IFTAP: variants seen among roughly 807,000 people sequenced by gnomAD.
IFTAP encodes intraflagellar transport-associated protein.
Under a neutral mutation model 19.4 loss-of-function variants are expected in IFTAP, and 19 were observed. That is an observed-to-expected ratio of 0.98 (90% CI 0.68 to 1.44). The LOEUF is 1.44. Among genes scored for constraint, IFTAP ranks in the 40% most tolerant of loss-of-function variants. IFTAP has a pLI of 0.00. For missense variants in IFTAP, 240 were observed against 253.6 expected, an observed-to-expected ratio of 0.95 and a Z score of 0.36; for synonymous variants, 85 against 83.5, an observed-to-expected ratio of 1.02 and a Z score of -0.10.
intron 1 of IFTAP, among the ~76,000 whole-genome samples, chr11:36,595,844 T>A (rs929626238): frequency 6.6e-6 from 1 of 152,234 alleles, no homozygotes; most frequent in East Asian, 1.9e-4. Context: ...TTGGAGAGGA[T>A]GAGAAGGGGC....
chr11:36,654,271 C>T (rs1853874878), intron 5 of IFTAP, among the ~76,000 whole-genome samples: 1 of 152,140 alleles, frequency 6.6e-6, no homozygotes, highest in Non-Finnish European at 1.5e-5. Context: ...TGACCTTCCT[C>T]TGGCACTCTT....
chr11:36,618,931 A>G (rs183746005), intron 2 of IFTAP, among the ~76,000 whole-genome samples: 14 of 151,982 alleles, frequency 9.2e-5, no homozygotes, highest in African/African-American at 2.4e-4. Context: ...ATGGAAAGCA[A>G]AAGGGCCTAG....
At chr11:36,612,023 G>A (rs1851896358) in intron 2 of IFTAP, among the ~76,000 whole-genome samples, 2 of 151,998 alleles carry the variant, frequency 1.3e-5, no homozygotes, top group African/African-American at 2.4e-5. Flanking sequence ...TCATCTGTAA[G>A]GCTGACTTTA....
chr11:36,615,997 T>A (rs1476545116), intron 2 of IFTAP, among the ~76,000 whole-genome samples: 1 of 151,954 alleles, frequency 6.6e-6, no homozygotes, highest in Non-Finnish European at 1.5e-5. Context: ...GCTCCTACCT[T>A]TTAGAGTGGT....
rs77686068 is a variant in IFTAP, at chr11:36,616,016, C to G, written c.136+5777C>G. 5.5e-3 allele frequency among the ~76,000 whole-genome samples: 837 copies of G among 152,090 alleles called. 11 individuals carry two copies. Among genetic ancestry groups the G allele is most frequent in the Admixed American group, 0.034 (516 of 15,256 alleles). ...CTACCTTTTAGAGTGGTAATTACTG[C>G]TCATGTTGCTGTCACACAGAGATTG... On this transcript the variant is annotated intron_variant, in intron 2 of 5. Transcript: ENST00000334307.
chr11:36,648,863 G>A (rs1853597773), intron 5 of IFTAP, among the ~76,000 whole-genome samples: 1 of 152,080 alleles, frequency 6.6e-6, no homozygotes, highest in African/African-American at 2.4e-5. Context: ...CTGGCCACAG[G>A]GGAGGCTGAG....
intron 2 of IFTAP, among the ~76,000 whole-genome samples, chr11:36,619,264 A>G (rs1350619341): frequency 1.3e-5 from 2 of 152,056 alleles, no homozygotes; most frequent in African/African-American, 4.8e-5. Context: ...GCTTCTAAAA[A>G]ATGTAATTAA....
intron 1 of IFTAP, among the ~76,000 whole-genome samples, chr11:36,608,807 A>G (rs982302353): frequency 6.6e-6 from 1 of 152,208 alleles, no homozygotes; most frequent in Admixed American, 6.6e-5. Flanking sequence ...GATGCAGTCA[A>G]TGTGAAATTT....
intron 2 of IFTAP, among the ~76,000 whole-genome samples, chr11:36,623,308 T>G (rs1487510693): frequency 1.3e-5 from 2 of 148,748 alleles, no homozygotes; most frequent in Non-Finnish European, 3.0e-5. Flanking sequence ...TTGTATATAT[T>G]ATATTTTTTT....
In IFTAP at chr11:36,633,442, A is replaced by C; in HGVS notation, c.291+4A>C. ...ATCACAATGTTTGGAAGAACAGGTA[A>C]TACCAACATAGTACATGTATAGAAA... On this transcript the variant is annotated splice_donor_region_variant and intron_variant, in intron 3 of 5. Transcript: ENST00000334307. The C allele has an allele frequency of 6.4e-7, 1 of 1,574,550 alleles. No homozygotes were observed. The highest frequency in any genetic ancestry group is 8.6e-7 in the Non-Finnish European group (1 of 1,162,912).
chr11:36,639,074 T>A (rs1404406043), intron 4 of IFTAP, among the ~76,000 whole-genome samples: 1 of 152,236 alleles, frequency 6.6e-6, no homozygotes, highest in African/African-American at 2.4e-5. Context: ...CTGGTGACTG[T>A]CATGCCTCAG....
intron 5 of IFTAP, among the ~76,000 whole-genome samples, chr11:36,651,188 C>T (rs1590235951): frequency 1.3e-5 from 2 of 152,254 alleles, no homozygotes; most frequent in South Asian, 4.1e-4. Context: ...TAAAAGTGTT[C>T]CTGTTTCTCC....
intron 5 of IFTAP, among the ~76,000 whole-genome samples, chr11:36,656,123 T>A (rs550516010): frequency 5.9e-5 from 9 of 152,294 alleles, no homozygotes; most frequent in African/African-American, 2.2e-4. Flanking sequence ...GCCGTATCTA[T>A]AACCAACTTG....
intron 2 of IFTAP, 124 bp downstream of exon 2, chr11:36,610,363 A>AT: frequency 1.1e-6 from 1 of 922,598 alleles, no homozygotes; most frequent in Non-Finnish European, 1.6e-6. Context: ...TTATCAGGTA[A>AT]TTCTTACTAG....
At chr11:36,646,440 A>G (rs911395413) in intron 4 of IFTAP, among the ~76,000 whole-genome samples, 1 of 152,170 alleles carries the variant, frequency 6.6e-6, no homozygotes, top group Admixed American at 6.6e-5. Flanking sequence ...AAATAGGTGC[A>G]TTAGAAAACC....
At chr11:36,624,003 A>C (rs1020927981) in intron 2 of IFTAP, among the ~76,000 whole-genome samples, 14 of 150,242 alleles carry the variant, frequency 9.3e-5, no homozygotes, top group Non-Finnish European at 1.8e-4. Context: ...GTGTATATAT[A>C]TATTTTTTTC....
intron 2 of IFTAP, among the ~76,000 whole-genome samples, chr11:36,628,134 A>C (rs948231164): frequency 6.7e-6 from 1 of 150,160 alleles, no homozygotes; most frequent in Admixed American, 6.6e-5. Flanking sequence ...GATCCATTCT[A>C]TCCATTTGTC....
At chr11:36,634,464 A>G (rs372484198) in intron 3 of IFTAP, among the ~76,000 whole-genome samples, 1 of 152,256 alleles carries the variant, frequency 6.6e-6, no homozygotes, top group African/African-American at 2.4e-5. Context: ...GACCTCCGCT[A>G]TGGCTTACTG....
chr11:36,622,468 G>A (rs1454505517), intron 2 of IFTAP, among the ~76,000 whole-genome samples: 1 of 152,000 alleles, frequency 6.6e-6, no homozygotes, highest in East Asian at 1.9e-4. Context: ...TGCTTTTATA[G>A]TTCTCATTTT....
Sources: gnomAD v4.1 joint callset for allele counts (sites outside exome capture counted in the v4.1 genomes callset) on GRCh38, gnomAD v4.1.1 for gene constraint, MANE v1.5 for transcripts, NCBI Gene and HGNC (gene_info 2026-07-23, HGNC 2026-07-21) for gene names.